The following EIF2D variants were observed in gnomAD, a reference collection of about 807,000 sequenced individuals.
EIF2D encodes the protein eukaryotic translation initiation factor 2D.
In EIF2D, 56 loss-of-function variants were observed where a neutral mutation model predicts 77.4. That is an observed-to-expected ratio of 0.72 (90% confidence interval 0.58 to 0.90). The LOEUF is 0.90. Ranked by LOEUF, EIF2D falls within the 40% of genes least tolerant of loss-of-function variation. The pLI, the probability that EIF2D is intolerant of heterozygous loss-of-function variation, is 0.00. For synonymous variants in EIF2D, 230 were observed against 271.0 expected (o/e 0.85, Z 1.49); for missense variants, 574 against 706.5 (o/e 0.81, Z 2.13).
chr1:206,599,616 A>T lies in EIF2D; in HGVS notation c.1053-4T>A, dbSNP rs557197212. On this transcript the variant is annotated splice_polypyrimidine_tract_variant and splice_region_variant and intron_variant, in intron 9 of 14. Transcript: ENST00000271764. The surrounding 1 kb of genome is among the most constrained non-coding windows in gnomAD (Gnocchi z 4.1). ...GGGTATGACGAAAGATGTAATCCTA[A>T]AACCCAGCAGAAGGAAAGAAAAAAC... 16 of 1,600,522 alleles carry T rather than the reference A, an allele frequency of 1.0e-5. No homozygotes were observed. In the African/African-American group the frequency reaches 2.2e-4, roughly 22 times the overall value.
intron 3 of EIF2D, among the ~76,000 whole-genome samples, chr1:206,609,035 G>C (rs1378528495): frequency 8.6e-5 from 13 of 151,418 alleles, no homozygotes; most frequent in African/African-American, 2.9e-4. Context: ...CTGAGCAACA[G>C]AGTGAGACTC....
chr1:206,602,945 T>G lies in EIF2D; in HGVS notation c.784+6A>C. ...GAGATGGGCTCTTCTCCTCCTAGAG[T>G]TATACCTTGAAGCGTTTTGCTATCT... On this transcript the variant is annotated splice_donor_region_variant and intron_variant, in intron 6 of 14. Transcript: ENST00000271764. 3 of 1,613,688 alleles carry G rather than the reference T, an allele frequency of 1.9e-6. No homozygotes were observed. The highest frequency in any genetic ancestry group is 2.5e-6 in the Non-Finnish European group (3 of 1,179,872).
downstream of EIF2D, among the ~76,000 whole-genome samples, chr1:206,570,815 G>A (rs1422240312): frequency 6.6e-6 from 1 of 152,082 alleles, no homozygotes; most frequent in Non-Finnish European, 1.5e-5. Context: ...GGACACTTGG[G>A]TTTCATCCAT....
intron 5 of EIF2D, chr1:206,603,591 A>C: frequency 1.7e-5 from 3 of 181,002 alleles, no homozygotes; most frequent in Non-Finnish European, 2.4e-5. Context: ...AAGATCGCGA[A>C]TGCATCTGTA....
intron 2 of EIF2D, 108 bp downstream of exon 2, chr1:206,611,076 G>T: frequency 9.4e-7 from 1 of 1,066,824 alleles, no homozygotes; most frequent in Non-Finnish European, 1.3e-6. Flanking sequence ...GGTATTGGGA[G>T]ATTTCGTGCT....
Position 206,584,638 on chromosome 1 carries a change from T to C in EIF2D, c.139-3476A>G. ...TCAAGAAGTTCATGGTTGTGGACAA[T>C]CCCCAGAAGTTTGCACTTTTTAAGC... On this transcript the variant is annotated intron_variant and NMD_transcript_variant, in intron 2 of 5. Coordinates refer to the EIF2D transcript ENST00000472709. The surrounding 1 kb of genome is among the most constrained non-coding windows in gnomAD (Gnocchi z 4.9). 6.2e-7 allele frequency: 1 copy of C among 1,614,146 alleles called. No homozygotes were observed. Among genetic ancestry groups the C allele is most frequent in the Non-Finnish European group, 8.5e-7 (1 of 1,180,034 alleles).
At chr1:206,580,995 T>C (rs1668850257) in exon 3 of EIF2D, 1 of 152,254 alleles carries the variant, frequency 6.6e-6, no homozygotes, top group Non-Finnish European at 1.5e-5. Context: ...GTGATCATTA[T>C]GGGTGTGGCA....
chr1:206,598,778 G>A (rs959978968), intron 11 of EIF2D, among the ~76,000 whole-genome samples: 1 of 152,190 alleles, frequency 6.6e-6, no homozygotes, highest in African/African-American at 2.4e-5. Flanking sequence ...ATTTGTGAGA[G>A]AATATTTACT....
Position 206,599,346 on chromosome 1 carries a change from G to A in EIF2D, c.1202+117C>T. ...AGGCTGGAAGCTGGATTTTGGAGAA[G>A]GGGAGAACAGGGGCAGAGCAGGTTT... On this transcript the variant is annotated intron_variant, in intron 10 of 14. Transcript: ENST00000271764. The surrounding 1 kb of genome is among the most constrained non-coding windows in gnomAD (Gnocchi z 4.1). 2.9e-6 allele frequency: 4 copies of A among 1,357,050 alleles called. No homozygotes were observed. In the Admixed American group the frequency reaches 6.2e-5, roughly 21 times the overall value. 84.1% of individuals were successfully genotyped at this position (1,357,050 alleles called of 1,614,324 possible). A position where few individuals can be genotyped will look rare whatever the true frequency, so the allele number is the denominator to read the frequency against.
At chr1:206,610,650 C>G (rs1363988205) in intron 2 of EIF2D, among the ~76,000 whole-genome samples, 1 of 152,128 alleles carries the variant, frequency 6.6e-6, no homozygotes, top group African/African-American at 2.4e-5. Context: ...GAAATCCCGT[C>G]TCTACTAAAA....
chr1:206,602,458 A>C lies in EIF2D; in HGVS notation c.785-5T>G, dbSNP rs374777928. 4.0e-5 allele frequency: 64 copies of C among 1,612,496 alleles called. No individual in the cohort carries two copies. In the African/African-American group the frequency reaches 8.0e-4, roughly 20 times the overall value. On this transcript the variant is annotated splice_region_variant and splice_polypyrimidine_tract_variant and intron_variant, in intron 6 of 14. Coordinates refer to ENST00000271764, the MANE Select transcript of EIF2D (RefSeq NM_006893.3). ...GTAACAGCTCATCCATTTGTTCTGC[A>C]GGGAAAAGACAAGAGCCACATCCTT...
intron 4 of EIF2D, among the ~76,000 whole-genome samples, chr1:206,607,717 A>T (rs1340272148): frequency 6.6e-6 from 1 of 152,176 alleles, no homozygotes; most frequent in Non-Finnish European, 1.5e-5. Flanking sequence ...AAAAGGTCAC[A>T]AACAGGAGAC....
In EIF2D at chr1:206,611,198, T is replaced by C. The variant is rs1335288012; in HGVS notation, c.233A>G (p.Asn78Ser). 1.9e-6 allele frequency: 3 copies of C among 1,613,096 alleles called. No homozygotes were observed. Among genetic ancestry groups the C allele is most frequent in the Non-Finnish European group, 2.5e-6 (3 of 1,179,362 alleles). Residue 78 changes from asparagine (N) to serine (S), a missense_variant, in exon 2 of 15, where the codon AAT becomes AGT. By Grantham distance (46) the Asn-to-Ser change is conservative. Coordinates refer to ENST00000271764, the MANE Select transcript of EIF2D (RefSeq NM_006893.3). ...GNPILFELEK[N>S]LYPTVYTLWS... is the part of the protein sequence containing the mutation. ...TGTTGTCATACCTGTTGGATACAGA[T>C]TTTTCTCCAGTTCAAAGAGGATGGG...
intron 4 of EIF2D, among the ~76,000 whole-genome samples, chr1:206,607,264 C>A (rs1670246415): frequency 6.6e-6 from 1 of 152,086 alleles, no homozygotes; most frequent in East Asian, 1.9e-4. Context: ...AACACATACA[C>A]AGTATAATTT....
intron 13 of EIF2D, chr1:206,595,466 A>G: frequency 3.3e-6 from 1 of 300,036 alleles, no homozygotes; most frequent in Non-Finnish European, 6.2e-6. Flanking sequence ...ATGAAAATAC[A>G]ATCTTGTTTA....
At chr1:206,581,453 G>T (rs923963530) in intron 2 of EIF2D, among the ~76,000 whole-genome samples, 2 of 152,080 alleles carry the variant, frequency 1.3e-5, no homozygotes, top group East Asian at 3.8e-4. Flanking sequence ...ACAAAAATTA[G>T]CTGGGTGTGG....
At chr1:206,580,911 C>T (rs1305209069) in intron 3 of EIF2D, 1 of 152,236 alleles carries the variant, frequency 6.6e-6, no homozygotes, top group Non-Finnish European at 1.5e-5. Flanking sequence ...CTTAGATGAA[C>T]ATTTCACAGA....
chr1:206,570,945 G>A (rs1558517197), downstream of EIF2D, among the ~76,000 whole-genome samples: 1 of 152,116 alleles, frequency 6.6e-6, no homozygotes, highest in Non-Finnish European at 1.5e-5. Flanking sequence ...TCTTCTGGGT[G>A]TATACCCAGA....
intron 14 of EIF2D, 45 bp from the exon 15 acceptor site, chr1:206,591,890 C>G: frequency 6.2e-7 from 1 of 1,604,700 alleles, no homozygotes; most frequent in Non-Finnish European, 8.5e-7. Context: ...CATGACCTTG[C>G]TCCCCGGCTG....
Sources: allele counts gnomAD v4.1 joint callset (sites outside exome capture counted in the v4.1 genomes callset), GRCh38; gene constraint gnomAD v4.1.1; non-coding constraint Gnocchi (gnomAD v3.1); transcripts MANE v1.5; gene names NCBI Gene and HGNC (gene_info 2026-07-23, HGNC 2026-07-21).